WDR19: variants seen among roughly 807,000 people sequenced by gnomAD.
The protein encoded by WDR19 is WD repeat domain 19, also known as WD repeat-containing protein 19.
In WDR19, 121 loss-of-function variants were observed where a neutral mutation model predicts 180.0. The observed-to-expected ratio is 0.67, with a 90% confidence interval of 0.58 to 0.78. The LOEUF (loss-of-function observed/expected upper bound fraction) is 0.78, where lower values mean the gene tolerates loss of function less well. WDR19 is among the 30% of genes least tolerant of loss of function. WDR19 has a pLI of 0.00. For missense variants in WDR19, 1,450 were observed against 1,640.7 expected (o/e 0.88, Z 2.01); for synonymous variants, 497 against 540.7 (o/e 0.92, Z 1.12).
In WDR19 at chr4:39,205,199, A is replaced by G; in HGVS notation, c.649A>G (p.Asn217Asp). The G allele has an allele frequency of 6.2e-7, 1 of 1,602,048 alleles. No homozygotes were observed. The highest frequency in any genetic ancestry group is 1.3e-5 in the African/African-American group (1 of 74,900). ...GAAAACTTTGTTTTTTTTAAATCTG[A>G]ATGAACCAGATAACCCAGCTGATCT... Reference protein sequence around the residue: ...GKKTLFFLNLNEPDNPADLEF... With the variant: ...GKKTLFFLNLDEPDNPADLEF... Residue 217 changes from asparagine to aspartate, a missense_variant, in exon 8 of 37, where the codon AAT becomes GAT. Asn to Asp is a conservative substitution (Grantham distance 23). Transcript: ENST00000399820.
chr4:39,236,331 A>T (rs908368996), intron 20 of WDR19, among the ~76,000 whole-genome samples: 17 of 152,242 alleles, frequency 1.1e-4, no homozygotes, highest in Non-Finnish European at 2.1e-4. Flanking sequence ...CAGCCATAAA[A>T]CAAGAATAAA....
chr4:39,284,502 C>CT lies in WDR19; in HGVS notation c.*14-975dup, dbSNP rs34086720. On this transcript the variant is annotated intron_variant, in intron 36 of 36. Coordinates refer to ENST00000399820, the MANE Select transcript of WDR19 (RefSeq NM_025132.4). ...TACAGGCATGTGCCACCATACCCAG[C>CT]TTTTTTTTTTCTTTTTTTTAGACAT... Among the ~76,000 whole-genome samples the CT allele has an allele frequency of 8.2e-5, 12 of 146,866 alleles. No homozygotes were observed. In the South Asian group the frequency reaches 8.7e-4, roughly 11 times the overall value.
intron 7 of WDR19, among the ~76,000 whole-genome samples, chr4:39,204,951 G>C (rs1025484046): frequency 1.3e-5 from 2 of 152,304 alleles, no homozygotes; most frequent in Non-Finnish European, 2.9e-5. Flanking sequence ...AGGGTATATT[G>C]AAGATGTGTA....
intron 14 of WDR19, among the ~76,000 whole-genome samples, chr4:39,222,431 A>T (rs1560508341): frequency 6.6e-6 from 1 of 152,110 alleles, no homozygotes; most frequent in African/African-American, 2.4e-5. Flanking sequence ...AGTCCAGTTT[A>T]TCAATTTATT....
intron 3 of WDR19, among the ~76,000 whole-genome samples, chr4:39,188,192 A>G (rs990619279): frequency 7.9e-5 from 12 of 152,256 alleles, no homozygotes; most frequent in African/African-American, 2.9e-4. Flanking sequence ...TAATACCAAG[A>G]TGAAAAATAT....
chr4:39,284,051 T>C (rs1736868632), intron 36 of WDR19, among the ~76,000 whole-genome samples: 1 of 152,146 alleles, frequency 6.6e-6, no homozygotes, highest in Non-Finnish European at 1.5e-5. Flanking sequence ...CTGGGTGTGG[T>C]TTTTAAATTT....
At chr4:39,243,977 A>T (rs1474485823) in intron 21 of WDR19, among the ~76,000 whole-genome samples, 1 of 152,184 alleles carries the variant, frequency 6.6e-6, no homozygotes, top group Non-Finnish European at 1.5e-5. Context: ...ATTAAATTTT[A>T]TACCAAAAAG....
chr4:39,193,519 C>T (rs1726389059), intron 4 of WDR19, among the ~76,000 whole-genome samples: 1 of 152,094 alleles, frequency 6.6e-6, no homozygotes, highest in South Asian at 2.1e-4. Flanking sequence ...CTAATTTTTC[C>T]ACATACTTTA....
intron 5 of WDR19, chr4:39,194,919 C>T (rs1726563839): frequency 1.5e-5 from 6 of 399,996 alleles, no homozygotes; most frequent in African/African-American, 2.0e-5. Flanking sequence ...GCATGGCTTC[C>T]ATTTGTCCTT....
At chr4:39,223,169 GT>G (rs2109345157) in intron 14 of WDR19, among the ~76,000 whole-genome samples, 1 of 152,210 alleles carries the variant, frequency 6.6e-6, no homozygotes, top group South Asian at 2.1e-4. Flanking sequence ...GTTATGAAAT[GT>G]TTTAATATTG....
intron 1 of WDR19, among the ~76,000 whole-genome samples, chr4:39,182,909 G>A (rs959400750): frequency 2.0e-5 from 3 of 152,166 alleles, no homozygotes; most frequent in Non-Finnish European, 2.9e-5. Flanking sequence ...TCGAGTTAAC[G>A]CGTTTGGAGG....
intron 17 of WDR19, among the ~76,000 whole-genome samples, chr4:39,231,386 C>G (rs1263091860): frequency 8.0e-5 from 12 of 149,132 alleles, no homozygotes; most frequent in Admixed American, 8.0e-4. Context: ...ATTTTCAAAA[C>G]AGCACCTGAC....
At chr4:39,253,070 GT>G (rs1733400579) in intron 24 of WDR19, 75 bp from the exon 25 acceptor site, 3 of 1,423,634 alleles carry the variant, frequency 2.1e-6, no homozygotes, top group Non-Finnish European at 2.8e-6. Context: ...ATTTAAAAGT[GT>G]CCTAAACATT....
intron 21 of WDR19, among the ~76,000 whole-genome samples, 166 bp from the exon 22 acceptor site, chr4:39,244,081 TA>T (rs142411527): frequency 4.0e-4 from 60 of 149,708 alleles, no homozygotes; most frequent in Non-Finnish European, 4.3e-4. Flanking sequence ...TGGGTTTTTT[TA>T]AAAAAAAAAG....
intron 33 of WDR19, among the ~76,000 whole-genome samples, chr4:39,276,225 A>G (rs927571673): frequency 6.6e-6 from 1 of 152,178 alleles, no homozygotes; most frequent in African/African-American, 2.4e-5. Flanking sequence ...CATGGCAGAG[A>G]GCTCTAAGCT....
chr4:39,278,528 C>A lies in WDR19; in HGVS notation c.3918-11C>A. ...TATTTAATTTACTCTGCCTTTCCCTCCCCTAAACAGCATGCTAAACACTGA... is the reference window on the plus strand; with the variant it reads ...TATTTAATTTACTCTGCCTTTCCCTACCCTAAACAGCATGCTAAACACTGA... On this transcript the variant is annotated splice_polypyrimidine_tract_variant and intron_variant, in intron 35 of 36. Coordinates refer to ENST00000399820, the MANE Select transcript of WDR19 (RefSeq NM_025132.4). 6.2e-7 allele frequency: 1 copy of A among 1,602,026 alleles called. No individual in the cohort carries two copies. The highest frequency in any genetic ancestry group is 1.1e-5 in the South Asian group (1 of 89,846).
intron 9 of WDR19, among the ~76,000 whole-genome samples, chr4:39,211,698 T>C (rs1257334515): frequency 1.3e-5 from 2 of 152,182 alleles, no homozygotes; most frequent in Non-Finnish European, 2.9e-5. Context: ...TGCTTAAGTA[T>C]ACCTCTAACA....
intron 29 of WDR19, among the ~76,000 whole-genome samples, chr4:39,266,855 G>A (rs572765018): frequency 1.4e-4 from 21 of 152,304 alleles, no homozygotes; most frequent in Admixed American, 2.6e-4. Context: ...AGGCCAAGGC[G>A]GGTGGATCAC....
intron 8 of WDR19, 109 bp downstream of exon 8, chr4:39,205,375 C>T (rs942903409): frequency 6.6e-6 from 8 of 1,207,408 alleles, no homozygotes; most frequent in African/African-American, 1.5e-5. Flanking sequence ...CAATTCTATA[C>T]GTCACATTTT....
Sources: gnomAD v4.1 joint callset for allele counts (sites outside exome capture counted in the v4.1 genomes callset) on GRCh38, gnomAD v4.1.1 for gene constraint, MANE v1.5 for transcripts, NCBI Gene and HGNC (gene_info 2026-07-23, HGNC 2026-07-21) for gene names.